The following CFAP95 variants were observed in gnomAD, a reference collection of about 807,000 sequenced individuals.
The protein encoded by CFAP95 is cilia- and flagella-associated protein 95.
the CFAP95 span, among the ~76,000 whole-genome samples, chr9:69,843,645 T>C: frequency 1.5e-5 from 2 of 133,326 alleles, no homozygotes; most frequent in South Asian, 2.6e-4. Context: ...TCCTCCTCCT[T>C]CTTTCTTCTT....
chr9:69,839,939 C>T, the CFAP95 span, among the ~76,000 whole-genome samples: 18 of 151,266 alleles, frequency 1.2e-4, no homozygotes, highest in Non-Finnish European at 2.4e-4. Context: ...TAGCTGGGCA[C>T]GGTGGCGTGT....
At chr9:69,867,450 C>G in the CFAP95 span, among the ~76,000 whole-genome samples, 4 of 152,152 alleles carry the variant, frequency 2.6e-5, no homozygotes, top group Admixed American at 2.6e-4. Context: ...CTCAGTGAGG[C>G]CCTAAAACTA....
the CFAP95 span, among the ~76,000 whole-genome samples, chr9:69,839,217 T>A: frequency 3.8e-5 from 5 of 131,460 alleles, no homozygotes; most frequent in Admixed American, 8.4e-5. Context: ...TGTCTCTGCC[T>A]GGCTTTGGTA....
chr9:69,848,342 A>T, the CFAP95 span, among the ~76,000 whole-genome samples: 7 of 152,216 alleles, frequency 4.6e-5, no homozygotes, highest in African/African-American at 7.2e-5. Context: ...AAATATTTGT[A>T]GAAGGAAAAG....
chr9:69,820,821 C>G, the CFAP95 span: 2 of 1,543,092 alleles, frequency 1.3e-6, no homozygotes, highest in Non-Finnish European at 1.8e-6. Flanking sequence ...ACTTACGTTC[C>G]TGCCGGGCAG....
At chr9:69,872,116 A>C in the CFAP95 span, among the ~76,000 whole-genome samples, 1 of 152,218 alleles carries the variant, frequency 6.6e-6, no homozygotes, top group Non-Finnish European at 1.5e-5. Flanking sequence ...GCTGGGCTTT[A>C]AACTCCTATC....
At chr9:69,904,122 A>G in the CFAP95 span, among the ~76,000 whole-genome samples, 4 of 152,120 alleles carry the variant, frequency 2.6e-5, no homozygotes, top group Non-Finnish European at 5.9e-5. Context: ...TAGTATATTT[A>G]TGGGATTGTA....
chr9:69,899,862 C>T, the CFAP95 span, among the ~76,000 whole-genome samples: 4 of 152,320 alleles, frequency 2.6e-5, no homozygotes, highest in South Asian at 8.3e-4. Flanking sequence ...TCCTGTGTGA[C>T]TCCACTGGGA....
chr9:69,847,697 C>T, the CFAP95 span, among the ~76,000 whole-genome samples: 1 of 152,198 alleles, frequency 6.6e-6, no homozygotes, highest in South Asian at 2.1e-4. Context: ...CTATTCCCAT[C>T]TGTTTCCCCT....
the CFAP95 span, among the ~76,000 whole-genome samples, chr9:69,899,343 T>C: frequency 2.0e-5 from 3 of 152,214 alleles, no homozygotes. Context: ...CAGAGGAAAT[T>C]TATCTAACTG....
chr9:69,848,114 T>G, the CFAP95 span, among the ~76,000 whole-genome samples: 1 of 152,128 alleles, frequency 6.6e-6, no homozygotes, highest in Non-Finnish European at 1.5e-5. Context: ...GCAAGGACCC[T>G]TGTGTGCCTC....
At chr9:69,878,358 G>A in the CFAP95 span, among the ~76,000 whole-genome samples, 1 of 152,142 alleles carries the variant, frequency 6.6e-6, no homozygotes, top group African/African-American at 2.4e-5. Flanking sequence ...CATCAGGGAA[G>A]GGCGTTCTCC....
chr9:69,820,842 T>A, the CFAP95 span: 1 of 1,602,474 alleles, frequency 6.2e-7, no homozygotes, highest in South Asian at 1.1e-5. Flanking sequence ...GACAGGTGCA[T>A]AGGGAACTCC....
chr9:69,835,116 T>C, the CFAP95 span, among the ~76,000 whole-genome samples: 1 of 152,238 alleles, frequency 6.6e-6, no homozygotes, highest in Admixed American at 6.5e-5. Context: ...TAGCAGATGA[T>C]TATAAAAATC....
the CFAP95 span, among the ~76,000 whole-genome samples, chr9:69,849,994 T>C: frequency 6.6e-6 from 1 of 152,160 alleles, no homozygotes; most frequent in Non-Finnish European, 1.5e-5. Context: ...TGCTTCAACT[T>C]GTAAAGCCTT....
the CFAP95 span, among the ~76,000 whole-genome samples, chr9:69,898,954 A>G: frequency 6.6e-6 from 1 of 151,484 alleles, no homozygotes; most frequent in Non-Finnish European, 1.5e-5. Context: ...GCTTGAAGCT[A>G]TGAATCATCT....
the CFAP95 span, chr9:69,905,908 T>C: frequency 5.2e-6 from 7 of 1,345,254 alleles, no homozygotes; most frequent in Middle Eastern, 1.9e-4. Context: ...TACTTCTTTT[T>C]ACATACTTCA....
the CFAP95 span, among the ~76,000 whole-genome samples, chr9:69,901,142 G>GT: frequency 0.1 from 14,941 of 142,586 alleles, 846 homozygotes; most frequent in African/African-American, 0.14. Context: ...TTTGGTTTTG[G>GT]TTTTTTTTTT....
the CFAP95 span, among the ~76,000 whole-genome samples, chr9:69,829,132 C>T: frequency 1.2e-4 from 18 of 152,212 alleles, no homozygotes; most frequent in African/African-American, 1.9e-4. Flanking sequence ...GTGGATCCTA[C>T]GCCACGGTTA....
Sources: allele counts gnomAD v4.1 joint callset (sites outside exome capture counted in the v4.1 genomes callset), GRCh38; gene constraint gnomAD v4.1.1; transcripts MANE v1.5; gene names NCBI Gene and HGNC (gene_info 2026-07-23, HGNC 2026-07-21).